PARD3: variants seen among roughly 807,000 people sequenced by gnomAD.
PARD3 encodes partitioning defective 3 homolog.
PARD3 carries 75 observed loss-of-function variants against 155.4 expected under a neutral mutation model. That is an observed-to-expected ratio of 0.48 (90% CI 0.40 to 0.58). PARD3 has a LOEUF of 0.58. PARD3 is among the 20% of genes least tolerant of loss of function. The probability of loss-of-function intolerance (pLI) is 0.00; values close to 1 mark genes in which losing one functional copy is unlikely to be tolerated. For missense variants in PARD3, 1,642 were observed against 1,721.7 expected (o/e 0.95, Z 0.82); for synonymous variants, 576 against 610.5 (o/e 0.94, Z 0.83).
In PARD3 at chr10:34,372,548, G is replaced by C; in HGVS notation, c.1669-12C>G. ...CTTGGCTCTGCATTCTAGAAGAATT[G>C]AAGAAAAACATAAATACAGACTGAC... On this transcript the variant is annotated splice_polypyrimidine_tract_variant and intron_variant, in intron 11 of 24. Coordinates refer to ENST00000374788, the MANE Select transcript of PARD3 (RefSeq NM_001184785.2). 1.3e-6 allele frequency: 2 copies of C among 1,597,346 alleles called. No homozygotes were observed. Among genetic ancestry groups the C allele is most frequent in the Non-Finnish European group, 1.7e-6 (2 of 1,165,134 alleles).
intron 2 of PARD3, among the ~76,000 whole-genome samples, chr10:34,561,275 A>G (rs10827381): frequency 0.48 from 72,309 of 151,916 alleles, 18,042 homozygotes; most frequent in African/African-American, 0.64. Flanking sequence ...CTTAAAATAC[A>G]TTTTTCATCA....
At chr10:34,374,701 A>C (rs2134664798) in intron 11 of PARD3, among the ~76,000 whole-genome samples, 173 bp downstream of exon 11, 1 of 152,332 alleles carries the variant, frequency 6.6e-6, no homozygotes, top group African/African-American at 2.4e-5. Flanking sequence ...TCCATTTCTG[A>C]AACTAAGGGA....
In PARD3 at chr10:34,793,055, G is replaced by A. The variant is rs577734150; in HGVS notation, c.120+21821C>T. ...TGGGGCTGCAGCAGGGACTGCAGGT[G>A]TGGGCTCCAGCAGTGGCACTTGGTG... On this transcript the variant is annotated intron_variant, in intron 1 of 24. Transcript: ENST00000374788. 1.9e-3 allele frequency among the ~76,000 whole-genome samples: 284 copies of A among 152,358 alleles called. 3 individuals are homozygous for A. The highest frequency in any genetic ancestry group is 8.3e-3 in the South Asian group (40 of 4,832).
chr10:34,249,894 T>C (rs1954189967), intron 22 of PARD3, among the ~76,000 whole-genome samples: 1 of 152,224 alleles, frequency 6.6e-6, no homozygotes, highest in African/African-American at 2.4e-5. Context: ...CGAGGCCACA[T>C]GCTAGGCTGC....
chr10:34,508,420 T>C lies in PARD3; in HGVS notation c.403+8559A>G, dbSNP rs1024358077. Among the ~76,000 whole-genome samples the C allele has an allele frequency of 3.3e-5, 5 of 152,280 alleles. No individual in the cohort carries two copies. In the East Asian group the frequency reaches 9.7e-4, roughly 29 times the overall value. ...TTTCAAAGGAAACTTCATTCTTCAGTCTAGATCTTCCAGAGGAGATATTTA... is the reference window on the plus strand; with the variant it reads ...TTTCAAAGGAAACTTCATTCTTCAGCCTAGATCTTCCAGAGGAGATATTTA... On this transcript the variant is annotated intron_variant, in intron 3 of 24. Coordinates refer to ENST00000374788, the MANE Select transcript of PARD3 (RefSeq NM_001184785.2).
intron 1 of PARD3, among the ~76,000 whole-genome samples, chr10:34,793,524 C>T (rs961355626): frequency 6.6e-6 from 1 of 152,216 alleles, no homozygotes; most frequent in Non-Finnish European, 1.5e-5. Flanking sequence ...CGGTGCCTCA[C>T]ACCTGTAATC....
intron 20 of PARD3, among the ~76,000 whole-genome samples, chr10:34,305,543 G>C (rs1121831): frequency 0.54 from 82,328 of 152,158 alleles, 22,519 homozygotes; most frequent in African/African-American, 0.63. Flanking sequence ...AGACATGAAA[G>C]GGCAATTTTA....
At chr10:34,413,462 T>TC (rs397807394) in intron 5 of PARD3, among the ~76,000 whole-genome samples, 2 of 141,338 alleles carry the variant, frequency 1.4e-5, no homozygotes, top group African/African-American at 2.7e-5. Context: ...TTTTTTTTTT[T>TC]CCACTTATTT....
intron 19 of PARD3, among the ~76,000 whole-genome samples, chr10:34,323,489 T>C (rs532485712): frequency 1.3e-5 from 2 of 152,204 alleles, no homozygotes; most frequent in Non-Finnish European, 2.9e-5. Flanking sequence ...ATTAGTGGTA[T>C]TGTAGAGTGG....
rs1844052017 is a variant in PARD3, at chr10:34,810,815, T to C, written c.120+4061A>G. ...TTAGAGTTTCCCTCTCATCATCCTG[T>C]TTAATACTTACATTAACCCTGCCAG... On this transcript the variant is annotated intron_variant, in intron 1 of 24. Coordinates refer to ENST00000374788, the MANE Select transcript of PARD3 (RefSeq NM_001184785.2). Among the ~76,000 whole-genome samples, 3 of 152,168 alleles carry C rather than the reference T, an allele frequency of 2.0e-5. No individual in the cohort carries two copies. In the South Asian group the frequency reaches 6.2e-4, roughly 32 times the overall value.
In PARD3 at chr10:34,440,187, C is replaced by A. The variant is rs527285223; in HGVS notation, c.714+10130G>T. 3.3e-5 allele frequency among the ~76,000 whole-genome samples: 5 copies of A among 152,212 alleles called. 1 individual carries two copies. The South Asian group carries it at 1.0e-3, about 32-fold the overall frequency. On this transcript the variant is annotated intron_variant, in intron 5 of 24. Transcript: ENST00000374788. ...ATGACTTATAAAAGTGATTCAATTTCTAAAAGCAGGCTTGTAGGACACAGG... is the reference window on the plus strand; with the variant it reads ...ATGACTTATAAAAGTGATTCAATTTATAAAAGCAGGCTTGTAGGACACAGG...
rs1842730410 is a variant in PARD3 at position 34,800,278 on chromosome 10, A to C, written c.120+14598T>G. Among the ~76,000 whole-genome samples, 3 of 152,158 alleles carry C rather than the reference A, an allele frequency of 2.0e-5. No homozygotes were observed. In the South Asian group the frequency reaches 6.2e-4, roughly 32 times the overall value. On this transcript the variant is annotated intron_variant, in intron 1 of 24. Coordinates refer to ENST00000374788, the MANE Select transcript of PARD3 (RefSeq NM_001184785.2). ...ACCCCAGCACATAGGGCCTGATACA[A>C]CATGTGCCATGAGTGCTTACCATTA...
intron 19 of PARD3, among the ~76,000 whole-genome samples, chr10:34,328,215 C>T (rs1177585164): frequency 6.6e-6 from 1 of 152,108 alleles, no homozygotes; most frequent in Non-Finnish European, 1.5e-5. Flanking sequence ...ATACAAGGTC[C>T]AGTGTGGGAT....
intron 22 of PARD3, among the ~76,000 whole-genome samples, chr10:34,145,442 T>TCTG (rs1291674418): frequency 1.7e-3 from 260 of 151,622 alleles, no homozygotes; most frequent in African/African-American, 5.7e-3. Flanking sequence ...CTTTAAATAT[T>TCTG]GGACCTCCCA....
intron 1 of PARD3, among the ~76,000 whole-genome samples, chr10:34,784,296 G>A (rs1313187883): frequency 6.6e-6 from 1 of 152,016 alleles, no homozygotes; most frequent in Non-Finnish European, 1.5e-5. Context: ...AAAGAGTAAA[G>A]AAAGAAAACT....
At chr10:34,485,354 T>G (rs1433222077) in intron 3 of PARD3, among the ~76,000 whole-genome samples, 1 of 151,016 alleles carries the variant, frequency 6.6e-6, no homozygotes, top group African/African-American at 2.4e-5. Flanking sequence ...AAAAAAAAGT[T>G]CATTTTTGCC....
At chr10:34,592,386 T>A (rs2088789595) in intron 2 of PARD3, among the ~76,000 whole-genome samples, 1 of 152,190 alleles carries the variant, frequency 6.6e-6, no homozygotes, top group South Asian at 2.1e-4. Flanking sequence ...AACTGACATT[T>A]CCCTTCTCCT....
chr10:34,198,423 C>T (rs531595379), intron 22 of PARD3, among the ~76,000 whole-genome samples: 7 of 150,752 alleles, frequency 4.6e-5, no homozygotes, highest in Non-Finnish European at 1.0e-4. Context: ...ATTAAAAATC[C>T]ATAAGAATGC....
At chr10:34,380,291 A>G (rs530541004) in intron 9 of PARD3, among the ~76,000 whole-genome samples, 23 of 152,268 alleles carry the variant, frequency 1.5e-4, no homozygotes, top group African/African-American at 5.5e-4. Flanking sequence ...TTGGTAAATT[A>G]AAATCAAGAT....
Sources: gnomAD v4.1 joint callset for allele counts (sites outside exome capture counted in the v4.1 genomes callset) on GRCh38, gnomAD v4.1.1 for gene constraint, MANE v1.5 for transcripts, NCBI Gene and HGNC (gene_info 2026-07-23, HGNC 2026-07-21) for gene names.